Variants in ROCK2 observed in about 807,000 individuals in gnomAD.
ROCK2 encodes rho-associated protein kinase 2.
A neutral mutation model predicts 195.1 loss-of-function variants in ROCK2; 61 were observed. The ratio of observed to expected loss-of-function variants is 0.31; its 90% confidence interval spans 0.25 to 0.39. The LOEUF (loss-of-function observed/expected upper bound fraction) is 0.39. Among genes scored for constraint, ROCK2 ranks in the 10% least tolerant of loss-of-function variants. The pLI, the probability that ROCK2 is intolerant of heterozygous loss-of-function variation, is 1.00. For synonymous variants in ROCK2, 504 were observed against 545.5 expected (o/e 0.92, Z 1.06); for missense variants, 1,109 against 1,637.4 (o/e 0.68, Z 5.57).
At chr2:11,343,793 G>C (rs1014742643) in intron 1 of ROCK2, among the ~76,000 whole-genome samples, 2 of 152,202 alleles carry the variant, frequency 1.3e-5, no homozygotes, top group East Asian at 3.9e-4. Context: ...CCAGCAGGAG[G>C]TAGAGGGAGG....
At chr2:11,341,081 CA>C (rs10714343) in intron 1 of ROCK2, among the ~76,000 whole-genome samples, 114,488 of 149,060 alleles carry the variant, frequency 0.77, 46,199 homozygotes, top group East Asian at 0.94. Context: ...GACTCGCCTC[CA>C]AAAAAAAAAA....
At position 11,235,623 on chromosome 2, in the gene ROCK2, C is replaced by T; in HGVS notation, c.723+79G>A. 1 of 1,446,022 alleles carries T rather than the reference C, an allele frequency of 6.9e-7. No homozygotes were observed. The highest frequency in any genetic ancestry group is 9.4e-7 in the Non-Finnish European group (1 of 1,068,048). 89.6% of individuals were successfully genotyped at this position (1,446,022 alleles called of 1,614,324 possible). On this transcript the variant is annotated intron_variant, in intron 5 of 32. Coordinates refer to ENST00000315872, the MANE Select transcript of ROCK2 (RefSeq NM_004850.5). This position sits in a 1 kb window ranked among gnomAD's most constrained non-coding sequence, Gnocchi z 4.2. ...AAACTAAATTTACCTTTGTTCAAAA[C>T]TATGAAGACCTGACTTAAAGTATTT... is the stretch of plus-strand genomic sequence containing the variant.
At chr2:11,243,435 A>G (rs545383688) in intron 4 of ROCK2, among the ~76,000 whole-genome samples, 1 of 152,330 alleles carries the variant, frequency 6.6e-6, no homozygotes, top group Admixed American at 6.5e-5. Context: ...AAATTTTCTG[A>G]AAACGCCTTC....
intron 17 of ROCK2, 105 bp downstream of exon 17, chr2:11,214,252 A>T (rs1368967444): frequency 1.6e-6 from 1 of 637,268 alleles, no homozygotes; most frequent in Admixed American, 2.9e-5. Flanking sequence ...ATCCATGAGC[A>T]TGTGGAAATA....
chr2:11,227,192 C>T (rs918144416), intron 6 of ROCK2, 62 bp downstream of exon 6: 2 of 1,432,850 alleles, frequency 1.4e-6, no homozygotes, highest in Admixed American at 4.1e-5. Context: ...TTCTCAAATT[C>T]TTGACTGAAA....
At chr2:11,252,759 C>T (rs1334905057) in intron 3 of ROCK2, among the ~76,000 whole-genome samples, 4 of 151,952 alleles carry the variant, frequency 2.6e-5, no homozygotes, top group African/African-American at 9.7e-5. Context: ...AATGAGAACA[C>T]GTGGACACAG....
intron 1 of ROCK2, among the ~76,000 whole-genome samples, chr2:11,301,199 A>T (rs1319790495): frequency 6.6e-6 from 1 of 152,176 alleles, no homozygotes; most frequent in Non-Finnish European, 1.5e-5. Flanking sequence ...TCTTTTATGT[A>T]TATTTTGTAA....
intron 3 of ROCK2, among the ~76,000 whole-genome samples, chr2:11,267,278 C>T (rs1666450851): frequency 6.6e-6 from 1 of 152,170 alleles, no homozygotes; most frequent in Non-Finnish European, 1.5e-5. Flanking sequence ...TAATGACTCC[C>T]ATAAGATAGG....
At chr2:11,333,336 G>GT (rs1290036881) in intron 1 of ROCK2, among the ~76,000 whole-genome samples, 1 of 152,104 alleles carries the variant, frequency 6.6e-6, no homozygotes, top group Non-Finnish European at 1.5e-5. Flanking sequence ...TCTGCTGGCT[G>GT]TATTTATTTG....
chr2:11,239,416 G>A (rs1665345430), intron 4 of ROCK2, among the ~76,000 whole-genome samples: 1 of 152,162 alleles, frequency 6.6e-6, no homozygotes, highest in Admixed American at 6.5e-5. Context: ...AAATAGTTAA[G>A]TGTTGATGAG....
chr2:11,248,870 T>G (rs1216356131), intron 4 of ROCK2, among the ~76,000 whole-genome samples: 1 of 152,078 alleles, frequency 6.6e-6, no homozygotes, highest in African/African-American at 2.4e-5. Flanking sequence ...TTTTTTTCTT[T>G]TCAAGATAGG....
At chr2:11,215,275 T>C in intron 15 of ROCK2, 46 bp downstream of exon 15, 1 of 1,479,798 alleles carries the variant, frequency 6.8e-7, no homozygotes, top group Non-Finnish European at 9.2e-7. Flanking sequence ...TGTTATCGCG[T>C]TAAAAATAAA....
chr2:11,230,642 A>G (rs13397757), intron 5 of ROCK2, among the ~76,000 whole-genome samples: 73,502 of 151,980 alleles, frequency 0.48, 18,933 homozygotes, highest in Admixed American at 0.56. Flanking sequence ...TTAAGCTGGA[A>G]AGCCAGATAA....
chr2:11,211,884 G>T, intron 17 of ROCK2, 44 bp from the exon 18 acceptor site: 1 of 1,434,738 alleles, frequency 7.0e-7, no homozygotes, highest in Non-Finnish European at 9.4e-7. Context: ...AAAGAGACTA[G>T]CTCACAATTT....
chr2:11,296,048 G>GAGAGAGAGAGAA (rs1667526543), intron 1 of ROCK2, among the ~76,000 whole-genome samples: 1 of 146,960 alleles, frequency 6.8e-6, no homozygotes, highest in African/African-American at 2.6e-5. Context: ...GAGAGAGAGA[G>GAGAGAGAGAGAA]AGAAAACAAA....
In ROCK2 at chr2:11,257,554, G is replaced by A. The variant is rs965745884; in HGVS notation, c.325-7756C>T. Among the ~76,000 whole-genome samples, 21 of 151,484 alleles carry A rather than the reference G, an allele frequency of 1.4e-4. 1 individual carries two copies. In the South Asian group the frequency reaches 1.9e-3, roughly 13 times the overall value. ...CTGTGAGTTTCTTCGAGTTGCTGCT[G>A]TTCTTTGGAAGAGGTGAGTTTTATG... On this transcript the variant is annotated intron_variant, in intron 3 of 32. Coordinates refer to ENST00000315872, the MANE Select transcript of ROCK2 (RefSeq NM_004850.5).
At chr2:11,294,458 TATGG>T (rs904702444) in intron 1 of ROCK2, among the ~76,000 whole-genome samples, 218 of 152,362 alleles carry the variant, frequency 1.4e-3, no homozygotes, top group African/African-American at 5.0e-3. Context: ...GGTGGAATTA[TATGG>T]TGTTAATTAT....
chr2:11,209,709 T>A (rs1255536716), intron 18 of ROCK2, among the ~76,000 whole-genome samples: 1 of 152,198 alleles, frequency 6.6e-6, no homozygotes, highest in Non-Finnish European at 1.5e-5. Context: ...TCAGTTCACA[T>A]TCAATTAAGG....
At position 11,192,489 on chromosome 2, in the gene ROCK2, T is replaced by A; in HGVS notation, c.3911A>T (p.His1304Leu). 1 of 1,614,182 alleles carries A rather than the reference T, an allele frequency of 6.2e-7. No individual in the cohort carries two copies. Among genetic ancestry groups the A allele is most frequent in the Non-Finnish European group, 8.5e-7 (1 of 1,180,016 alleles). The change falls in exon 31 of 33, where the codon CAT becomes CTT. Residue 1304 changes from histidine (H) to leucine (L), a missense_variant. This residue lies in a region of ROCK2 where 221 missense variants were observed against 355.1 expected (regional missense o/e 0.62). Coordinates refer to ENST00000315872, the MANE Select transcript of ROCK2 (RefSeq NM_004850.5). This position sits in a 1 kb window ranked among gnomAD's most constrained non-coding sequence, Gnocchi z 5.0. ...TATAATCTCCTCCTTTTTGTCCATA[T>A]GATCTTTATGACACTTAATATGGCA... ...RRCHIKCHKD[H>L]MDKKEEIIAP...
Sources: gnomAD v4.1 joint callset for allele counts (sites outside exome capture counted in the v4.1 genomes callset) on GRCh38, gnomAD v4.1.1 for gene constraint, gnomAD v4.1.1 regional missense constraint, Gnocchi (gnomAD v3.1) non-coding constraint, MANE v1.5 for transcripts, NCBI Gene and HGNC (gene_info 2026-07-23, HGNC 2026-07-21) for gene names.